MRM3: variants seen among roughly 807,000 people sequenced by gnomAD.
The protein encoded by MRM3 is rRNA methyltransferase 3, mitochondrial.
In MRM3, 26 loss-of-function variants were observed where a neutral mutation model predicts 29.4. That is an observed-to-expected ratio of 0.89 (90% confidence interval 0.65 to 1.23). The LOEUF (loss-of-function observed/expected upper bound fraction) is 1.23, where lower values mean the gene tolerates loss of function less well. Among genes scored for constraint, MRM3 ranks in the 50% most tolerant of loss-of-function variants. The probability of loss-of-function intolerance (pLI) is 0.00; values close to 1 mark genes in which losing one functional copy is unlikely to be tolerated. For synonymous variants in MRM3, 225 were observed against 219.0 expected (o/e 1.03, Z -0.24); for missense variants, 578 against 540.2 (o/e 1.07, Z -0.69).
chr17:782,811 G>A, intron 1 of MRM3, 119 bp downstream of exon 1: 1 of 1,082,432 alleles, frequency 9.2e-7, no homozygotes, highest in Non-Finnish European at 1.3e-6. Flanking sequence ...TTTGTATTAT[G>A]CACAGAGGGC....
chr17:787,997 A>G lies in MRM3; in HGVS notation c.592A>G (p.Thr198Ala). 1.9e-6 allele frequency: 3 copies of G among 1,614,094 alleles called. No individual in the cohort carries two copies. Among genetic ancestry groups the G allele is most frequent in the Non-Finnish European group, 2.5e-6 (3 of 1,180,030 alleles). ...TGCCAAGCCTGACCATGTTAAGATG[A>G]CATATCCAAAGACTCAGCTTCAGCA... The part of the protein sequence containing the change: ...IFAKPDHVKM[T>A]YPKTQLQHSL... Residue 198 changes from threonine (T) to alanine (A), a missense_variant, in exon 3 of 4, where the codon ACA becomes GCA. By Grantham distance (58) the Thr-to-Ala change is moderately conservative (BLOSUM62 0). Coordinates refer to ENST00000304478, the MANE Select transcript of MRM3 (RefSeq NM_018146.4). This position sits in a 1 kb window ranked among gnomAD's most constrained non-coding sequence, Gnocchi z 4.1.
In MRM3 at chr17:792,041, A is replaced by G. The variant is rs1910854817; in HGVS notation, c.1235A>G (p.Asp412Gly). The stretch of plus-strand genomic sequence containing the variant: ...AGACAGCTGCGGGGGAGGGCGGAGG[A>G]CTTGAGCAGGGACAGGAGTTACCAC... Reference protein sequence around the residue: ...GKRQLRGRAEDLSRDRSYH With the variant: ...GKRQLRGRAEGLSRDRSYH Residue 412 changes from aspartate to glycine, a missense_variant, in exon 4 of 4, where the codon GAC becomes GGC. Physicochemically the swap from Asp to Gly is moderately conservative, Grantham distance 94. Transcript: ENST00000304478. 14 of 1,610,332 alleles carry G rather than the reference A, an allele frequency of 8.7e-6. No homozygotes were observed. Among genetic ancestry groups the G allele is most frequent in the African/African-American group, 1.3e-5 (1 of 74,860 alleles).
rs543608480 is a variant in MRM3 at position 784,775 on chromosome 17, C to G, written c.559+1448C>G. Among the ~76,000 whole-genome samples the G allele has an allele frequency of 7.2e-5, 11 of 152,342 alleles. No individual in the cohort carries two copies. The East Asian group carries it at 1.9e-3, about 27-fold the overall frequency. On this transcript the variant is annotated intron_variant, in intron 2 of 3. Transcript: ENST00000304478. Reference sequence around the variant, plus strand: ...AAGTAGGGCCTCCGTATAGTGGGTTCTCATCACCACAGACATCCAAGTAGA... The same window carrying G: ...AAGTAGGGCCTCCGTATAGTGGGTTGTCATCACCACAGACATCCAAGTAGA...
At position 787,950 on chromosome 17, in the gene MRM3, G is replaced by A. The variant is rs1351162544; in HGVS notation, c.560-15G>A. On this transcript the variant is annotated splice_polypyrimidine_tract_variant and intron_variant, in intron 2 of 3. Transcript: ENST00000304478. This position sits in a 1 kb window ranked among gnomAD's most constrained non-coding sequence, Gnocchi z 4.1. The stretch of plus-strand genomic sequence containing the variant: ...CCCACACCAGGCAAGTAAACCACCT[G>A]TTTTGTTTCCTCAGGGATTTTTGCC... 1.2e-6 allele frequency: 2 copies of A among 1,612,856 alleles called. No homozygotes were observed. Among genetic ancestry groups the A allele is most frequent in the South Asian group, 2.2e-5 (2 of 91,016 alleles).
chr17:791,438 G>A, intron 3 of MRM3, 96 bp from the exon 4 acceptor site: 1 of 1,300,066 alleles, frequency 7.7e-7, no homozygotes, highest in Non-Finnish European at 1.1e-6. Context: ...AGAAGAACTG[G>A]TTTATCTCCT....
At position 783,241 on chromosome 17, in the gene MRM3, A is replaced by G. The variant is rs1247806152; in HGVS notation, c.473A>G (p.Asp158Gly). The G allele has an allele frequency of 1.2e-6, 2 of 1,614,024 alleles. No homozygotes were observed. Among genetic ancestry groups the G allele is most frequent in the South Asian group, 2.2e-5 (2 of 91,086 alleles). Reference protein sequence around the residue: ...RLEYLKELPVDKLKGVSLIKV... With the variant: ...RLEYLKELPVGKLKGVSLIKV... ...GAATACCTAAAGGAGTTGCCAGTCG[A>G]TAAGCTGAAAGGTGTCAGCCTCATT... The change falls in exon 2 of 4, where the codon GAT becomes GGT. Residue 158 changes from aspartate (D) to glycine (G), a missense_variant. Coordinates refer to ENST00000304478, the MANE Select transcript of MRM3 (RefSeq NM_018146.4).
At chr17:782,765 C>T in intron 1 of MRM3, 73 bp downstream of exon 1, 2 of 1,453,410 alleles carry the variant, frequency 1.4e-6, no homozygotes, top group Non-Finnish European at 1.8e-6. Context: ...TAACCTCCTT[C>T]CGATGGAGGA....
At chr17:786,969 A>T (rs894478009) in intron 2 of MRM3, among the ~76,000 whole-genome samples, 1 of 151,666 alleles carries the variant, frequency 6.6e-6, no homozygotes, top group Non-Finnish European at 1.5e-5. Context: ...GAGGCTGGGC[A>T]TGGTGGCTCA....
rs1353381515 is a variant in MRM3, at chr17:792,101, C to A, written c.*32C>A. The stretch of plus-strand genomic sequence containing the variant: ...AGAAGTGACTTCTGCTTGAGGACGT[C>A]TGCAGCTCCTCCTACACCAGCACAC... On this transcript the variant is annotated 3_prime_UTR_variant, in exon 4 of 4. Transcript: ENST00000304478. 6.4e-7 allele frequency: 1 copy of A among 1,552,348 alleles called. No individual in the cohort carries two copies. The highest frequency in any genetic ancestry group is 1.8e-5 in the Admixed American group (1 of 54,056).
chr17:792,169 C>A lies in MRM3; in HGVS notation c.*100C>A. 1 of 1,221,150 alleles carries A rather than the reference C, an allele frequency of 8.2e-7. No homozygotes were observed. Among genetic ancestry groups the A allele is most frequent in the Non-Finnish European group, 1.1e-6 (1 of 873,868 alleles). The allele number at this position is 1,221,150 out of a possible 1,614,324, so 75.6% of individuals were successfully genotyped here. A position where few individuals can be genotyped will look rare whatever the true frequency, so the allele number is the denominator to read the frequency against. ...AGTCAGTGACTATGGCCCCCACGTT[C>A]AGGAGGAAGGTGTGATGCCGTCATA... On this transcript the variant is annotated 3_prime_UTR_variant, in exon 4 of 4. Coordinates refer to ENST00000304478, the MANE Select transcript of MRM3 (RefSeq NM_018146.4).
At chr17:790,962 C>T (rs1910788927) in intron 3 of MRM3, among the ~76,000 whole-genome samples, 1 of 133,608 alleles carries the variant, frequency 7.5e-6, no homozygotes, top group African/African-American at 2.9e-5. Context: ...TGCCACCACA[C>T]CCCCACCGGC....
intron 1 of MRM3, 143 bp downstream of exon 1, chr17:782,835 T>C (rs1910219124): frequency 2.0e-6 from 2 of 979,392 alleles, no homozygotes; most frequent in Admixed American, 5.8e-5. Context: ...ATAAGCGTCT[T>C]TGGAATTAGC....
intron 1 of MRM3, among the ~76,000 whole-genome samples, 173 bp downstream of exon 1, chr17:782,865 TTTG>T (rs1682398709): frequency 1.3e-5 from 2 of 152,208 alleles, no homozygotes; most frequent in African/African-American, 4.8e-5. Context: ...TCCTTAGCTC[TTTG>T]TTGTTGTTTT....
Position 782,364 on chromosome 17 carries a change from C to G in MRM3, c.-15C>G, listed in dbSNP as rs777349988. On this transcript the variant is annotated 5_prime_UTR_variant, in exon 1 of 4. Transcript: ENST00000304478. ...GACGGCGCGCTTTCGTGACGCAGCC[C>G]GGGTCTCAGGGAACATGGCGGCGCT... The G allele has an allele frequency of 1.9e-5, 31 of 1,613,162 alleles. No individual in the cohort carries two copies. The highest frequency in any genetic ancestry group is 2.5e-5 in the Non-Finnish European group (29 of 1,179,700).
chr17:785,747 T>C (rs1281537026), intron 2 of MRM3, among the ~76,000 whole-genome samples: 3 of 152,238 alleles, frequency 2.0e-5, no homozygotes, highest in African/African-American at 7.2e-5. Flanking sequence ...AGTTTTGAAA[T>C]TCATATTCTT....
chr17:782,440 C>A lies in MRM3; in HGVS notation c.62C>A (p.Ala21Asp), dbSNP rs757181649. 1 of 1,613,984 alleles carries A rather than the reference C, an allele frequency of 6.2e-7. No individual in the cohort carries two copies. The highest frequency in any genetic ancestry group is 8.5e-7 in the Non-Finnish European group (1 of 1,179,970). Residue 21 changes from alanine (A) to aspartate (D), a missense_variant, in exon 1 of 4, where the codon GCT becomes GAT. Physicochemically the swap from Ala to Asp is moderately radical, Grantham distance 126 (BLOSUM62 -2). Transcript: ENST00000304478. ...CGACCGTTGCTGCAGGTGGTCCAGG[C>A]TTGGGACCTTGACGCGAGGCGCTGG... The part of the protein sequence containing the change: ...VVRPLLQVVQ[A>D]WDLDARRWVR...
chr17:783,349 CTT>C (rs35144249), intron 2 of MRM3, 22 bp downstream of exon 2: 312 of 1,321,468 alleles, frequency 2.4e-4, no homozygotes, highest in Admixed American at 5.9e-4. Flanking sequence ...CCCAGTGTAT[CTT>C]TTTTTTTTTT....
intron 2 of MRM3, among the ~76,000 whole-genome samples, chr17:784,181 C>A (rs938531445): frequency 1.3e-5 from 2 of 152,252 alleles, no homozygotes; most frequent in East Asian, 3.9e-4. Flanking sequence ...GTTTTTCATA[C>A]GTTTTTGACA....
Position 791,953 on chromosome 17 carries a change from G to T in MRM3, c.1147G>T (p.Val383Leu). The change falls in exon 4 of 4, where the codon GTG (valine) becomes TTG (leucine). Residue 383 changes from valine (V) to leucine (L), a missense_variant. Physicochemically the swap from Val to Leu is conservative, Grantham distance 32 (BLOSUM62 1). Transcript: ENST00000304478. Reference sequence around the variant, plus strand: ...TGGCAAGAGGCTGCTGATCCCCGTTGTGCCTGGTGTGGACAGCCTCAACTC... The same window carrying T: ...TGGCAAGAGGCTGCTGATCCCCGTTTTGCCTGGTGTGGACAGCCTCAACTC... ...TGGKRLLIPV[V>L]PGVDSLNSAM... The T allele has an allele frequency of 6.2e-7, 1 of 1,614,078 alleles. No homozygotes were observed. Among genetic ancestry groups the T allele is most frequent in the Non-Finnish European group, 8.5e-7 (1 of 1,180,048 alleles).
Sources: allele counts gnomAD v4.1 joint callset (sites outside exome capture counted in the v4.1 genomes callset), GRCh38; gene constraint gnomAD v4.1.1; non-coding constraint Gnocchi (gnomAD v3.1); transcripts MANE v1.5; gene names NCBI Gene and HGNC (gene_info 2026-07-23, HGNC 2026-07-21).